Variants in MAGI2 observed in about 807,000 individuals in gnomAD.
MAGI2 encodes membrane associated guanylate kinase, WW and PDZ domain containing 2.
Under a neutral mutation model 133.3 loss-of-function variants are expected in MAGI2, and 35 were observed. That is an observed-to-expected ratio of 0.26 (90% CI 0.20 to 0.35). The LOEUF is 0.35. Ranked by LOEUF, MAGI2 falls within the 10% of genes least tolerant of loss-of-function variation. MAGI2 has a pLI of 1.00. For missense variants in MAGI2, 1,636 were observed against 1,863.4 expected, an observed-to-expected ratio of 0.88 and a Z score of 2.25; for synonymous variants, 729 against 710.6, an observed-to-expected ratio of 1.03 and a Z score of -0.41.
chr7:79,194,517 T>C (rs1827923252), intron 1 of MAGI2, among the ~76,000 whole-genome samples: 1 of 151,952 alleles, frequency 6.6e-6, no homozygotes, highest in Admixed American at 6.6e-5. Flanking sequence ...ATTACATATG[T>C]AGGTTGTATT....
intron 1 of MAGI2, among the ~76,000 whole-genome samples, chr7:79,394,089 A>G (rs774075833): frequency 2.6e-5 from 4 of 152,138 alleles, no homozygotes; most frequent in Non-Finnish European, 5.9e-5. Flanking sequence ...TGGAGCCACA[A>G]GCTTGTCTCC....
chr7:78,105,522 A>G (rs1417627153), intron 20 of MAGI2, among the ~76,000 whole-genome samples: 2 of 152,212 alleles, frequency 1.3e-5, no homozygotes, highest in East Asian at 3.8e-4. Flanking sequence ...ATTTGATATA[A>G]AATTGATATA....
chr7:78,102,647 A>C (rs1489114662), intron 20 of MAGI2, among the ~76,000 whole-genome samples: 1 of 152,244 alleles, frequency 6.6e-6, no homozygotes, highest in Non-Finnish European at 1.5e-5. Context: ...CAAGATAAGT[A>C]ACCAAAGCAA....
At chr7:78,038,956 G>T (rs1044537470) in intron 21 of MAGI2, among the ~76,000 whole-genome samples, 3 of 152,200 alleles carry the variant, frequency 2.0e-5, no homozygotes, top group Non-Finnish European at 2.9e-5. Flanking sequence ...TCCAGAGAGG[G>T]TATCTAAATA....
chr7:78,435,309 C>T (rs1800176045), intron 6 of MAGI2, among the ~76,000 whole-genome samples: 1 of 152,090 alleles, frequency 6.6e-6, no homozygotes, highest in South Asian at 2.1e-4. Flanking sequence ...TGCTCTCCCC[C>T]ACACCTTGAA....
intron 1 of MAGI2, among the ~76,000 whole-genome samples, chr7:79,018,292 T>A (rs1346926221): frequency 6.6e-6 from 1 of 152,126 alleles, no homozygotes; most frequent in African/African-American, 2.4e-5. Context: ...ATATATGGTC[T>A]AACTAAGCTT....
intron 16 of MAGI2, among the ~76,000 whole-genome samples, chr7:78,157,475 A>T (rs1824510406): frequency 6.6e-6 from 1 of 152,190 alleles, no homozygotes; most frequent in African/African-American, 2.4e-5. Flanking sequence ...TTGCAATAGG[A>T]AAAGTGTTTG....
At chr7:78,306,419 AAC>A (rs1798249763) in intron 9 of MAGI2, among the ~76,000 whole-genome samples, 1 of 152,214 alleles carries the variant, frequency 6.6e-6, no homozygotes, top group Non-Finnish European at 1.5e-5. Context: ...AATCCATTTT[AAC>A]TTGGCTATCA....
At chr7:78,118,552 A>T (rs187059492) in intron 20 of MAGI2, among the ~76,000 whole-genome samples, 61 of 152,362 alleles carry the variant, frequency 4.0e-4, no homozygotes, top group Non-Finnish European at 2.2e-4. Context: ...ACCTTAACAG[A>T]TACCTCACCA....
chr7:78,799,273 A>C (rs1379426770), intron 2 of MAGI2, among the ~76,000 whole-genome samples: 2 of 152,182 alleles, frequency 1.3e-5, no homozygotes, highest in Admixed American at 6.6e-5. Flanking sequence ...CACTGGCAGA[A>C]GTAAGCATTG....
At chr7:79,061,028 T>C (rs1207430986) in intron 1 of MAGI2, among the ~76,000 whole-genome samples, 1 of 152,110 alleles carries the variant, frequency 6.6e-6, no homozygotes, top group Non-Finnish European at 1.5e-5. Context: ...CTATAGCAAA[T>C]ATACTGTTGA....
intron 1 of MAGI2, among the ~76,000 whole-genome samples, chr7:79,089,178 A>G (rs2129542411): frequency 6.6e-6 from 1 of 152,304 alleles, no homozygotes; most frequent in South Asian, 2.1e-4. Flanking sequence ...GACGACATTT[A>G]TGCAGCCAAC....
At chr7:79,107,668 C>T (rs959062732) in intron 1 of MAGI2, among the ~76,000 whole-genome samples, 6 of 152,184 alleles carry the variant, frequency 3.9e-5, no homozygotes, top group Non-Finnish European at 4.4e-5. Context: ...CTTATGCATA[C>T]TCCATTTGGT....
At chr7:79,381,910 C>G (rs1236244654) in intron 1 of MAGI2, among the ~76,000 whole-genome samples, 1 of 151,660 alleles carries the variant, frequency 6.6e-6, no homozygotes, top group Non-Finnish European at 1.5e-5. Flanking sequence ...CACTATTAAA[C>G]TGAAATAGAA....
At chr7:78,289,530 G>T (rs1796484349) in intron 9 of MAGI2, among the ~76,000 whole-genome samples, 1 of 152,160 alleles carries the variant, frequency 6.6e-6, no homozygotes. Context: ...ACACTCTTCA[G>T]GATATCATCC....
intron 9 of MAGI2, among the ~76,000 whole-genome samples, chr7:78,274,777 G>T (rs920234188): frequency 1.3e-5 from 2 of 152,120 alleles, no homozygotes; most frequent in Non-Finnish European, 2.9e-5. Flanking sequence ...AGCAGTGGTG[G>T]ATGCACCTTC....
intron 3 of MAGI2, among the ~76,000 whole-genome samples, chr7:78,567,321 C>T (rs1218585646): frequency 6.6e-6 from 1 of 151,840 alleles, no homozygotes; most frequent in African/African-American, 2.4e-5. Context: ...CTGAATCTGA[C>T]ACACAAAAAA....
At chr7:78,970,799 G>C (rs1383303944) in intron 2 of MAGI2, among the ~76,000 whole-genome samples, 1 of 152,034 alleles carries the variant, frequency 6.6e-6, no homozygotes, top group Non-Finnish European at 1.5e-5. Context: ...TATAACAAAG[G>C]AGTCACAGCT....
intron 2 of MAGI2, among the ~76,000 whole-genome samples, chr7:78,974,232 C>T (rs1466621552): frequency 1.3e-5 from 2 of 151,238 alleles, no homozygotes; most frequent in African/African-American, 4.8e-5. Flanking sequence ...ATCTTTCATC[C>T]TGCTTTGAAC....
Sources: allele counts gnomAD v4.1 joint callset (sites outside exome capture counted in the v4.1 genomes callset), GRCh38; gene constraint gnomAD v4.1.1; transcripts MANE v1.5; gene names NCBI Gene and HGNC (gene_info 2026-07-23, HGNC 2026-07-21).